Variants in SPINK2 observed in about 807,000 individuals in gnomAD.
SPINK2 encodes serine protease inhibitor Kazal-type 2.
SPINK2 carries 8 observed loss-of-function variants against 13.5 expected under a neutral mutation model. That is an observed-to-expected ratio of 0.59 (90% CI 0.35 to 1.07). The LOEUF is 1.07. Among genes scored for constraint, SPINK2 ranks in the 50% least tolerant of loss-of-function variants. SPINK2 has a pLI of 0.02. For missense variants in SPINK2, 148 were observed against 180.3 expected, an observed-to-expected ratio of 0.82 and a Z score of 1.03; for synonymous variants, 76 against 74.7, an observed-to-expected ratio of 1.02 and a Z score of -0.09.
chr4:56,810,428 C>G, intron 3 of SPINK2: 2 of 459,308 alleles, frequency 4.4e-6, no homozygotes, highest in Non-Finnish European at 7.6e-6. Context: ...GAGAGCTGGG[C>G]ATGGTGGCTC....
intron 2 of SPINK2, among the ~76,000 whole-genome samples, chr4:56,817,087 A>G (rs2109441418): frequency 6.6e-6 from 1 of 152,128 alleles, no homozygotes; most frequent in Admixed American, 6.5e-5. Context: ...TTGTAATCCC[A>G]GCTACTCAGG....
At chr4:56,821,757 A>AT, upstream of SPINK2, 1 of 1,217,832 alleles carries the variant, frequency 8.2e-7, no homozygotes, top group Non-Finnish European at 1.1e-6. Context: ...GGGCGGGGGA[A>AT]GGGGCGGGGC....
At chr4:56,815,168 G>T (rs1240355366) in intron 2 of SPINK2, among the ~76,000 whole-genome samples, 1 of 151,460 alleles carries the variant, frequency 6.6e-6, no homozygotes, top group Non-Finnish European at 1.5e-5. Flanking sequence ...CTTATAAAAG[G>T]CATCCATAGA....
intron 2 of SPINK2, among the ~76,000 whole-genome samples, chr4:56,817,223 T>A (rs1290034472): frequency 6.6e-6 from 1 of 151,894 alleles, no homozygotes; most frequent in African/African-American, 2.4e-5. Context: ...ACAAAAACAT[T>A]AGGAATAAAT....
chr4:56,810,847 C>T (rs1184849237), intron 3 of SPINK2, among the ~76,000 whole-genome samples: 1 of 151,456 alleles, frequency 6.6e-6, no homozygotes, highest in African/African-American at 2.4e-5. Context: ...TCAGAGAAGA[C>T]CGACTAAGGT....
At position 56,818,971 on chromosome 4, in the gene SPINK2, T is replaced by C. The variant is rs79972285; in HGVS notation, c.249+1565A>G. 7.3e-3 allele frequency among the ~76,000 whole-genome samples: 1,112 copies of C among 152,224 alleles called. 22 individuals carry two copies. The highest frequency in any genetic ancestry group is 0.024 in the African/African-American group (1,017 of 41,550). On this transcript the variant is annotated intron_variant, in intron 2 of 3. Coordinates refer to ENST00000506738, the MANE Select transcript of SPINK2 (RefSeq NM_001271718.2). ...GCAAACAGGCAATTACAACCTAATG[T>C]TGTGACAGGGTAGAGAAAAGCACTG... is the stretch of plus-strand genomic sequence containing the variant.
intron 3 of SPINK2, 39 bp from the exon 4 acceptor site, chr4:56,810,223 A>G: frequency 6.5e-7 from 1 of 1,542,836 alleles, no homozygotes; most frequent in Non-Finnish European, 8.9e-7. Context: ...TTTATTACCT[A>G]CCATACTGAA....
At chr4:56,813,527 T>C (rs1447961812) in intron 2 of SPINK2, among the ~76,000 whole-genome samples, 1 of 151,856 alleles carries the variant, frequency 6.6e-6, no homozygotes, top group Non-Finnish European at 1.5e-5. Context: ...CTGCCTCCTG[T>C]CAGGTCAGCG....
intron 2 of SPINK2, among the ~76,000 whole-genome samples, chr4:56,813,788 T>G (rs1468888868): frequency 6.6e-6 from 1 of 151,782 alleles, no homozygotes; most frequent in Non-Finnish European, 1.5e-5. Context: ...CAGCTAAATT[T>G]TTGTATTTTT....
intron 2 of SPINK2, among the ~76,000 whole-genome samples, chr4:56,815,231 G>A (rs988583192): frequency 2.0e-5 from 3 of 151,480 alleles, no homozygotes; most frequent in Non-Finnish European, 4.4e-5. Flanking sequence ...AATAACCTAA[G>A]CAAACATTCT....
At chr4:56,813,308 A>G (rs971985299) in intron 2 of SPINK2, among the ~76,000 whole-genome samples, 3 of 152,224 alleles carry the variant, frequency 2.0e-5, no homozygotes, top group African/African-American at 7.2e-5. Context: ...AGACAACAAC[A>G]GCGAAACTGT....
At chr4:56,816,847 C>T (rs1717491636) in intron 2 of SPINK2, 1 of 150,326 alleles carries the variant, frequency 6.7e-6, no homozygotes, top group African/African-American at 2.4e-5. Context: ...CACTTCACTC[C>T]AGCCTGGATA....
chr4:56,814,070 C>T (rs981051862), intron 2 of SPINK2, among the ~76,000 whole-genome samples: 1 of 151,784 alleles, frequency 6.6e-6, no homozygotes, highest in Non-Finnish European at 1.5e-5. Flanking sequence ...ATTAAAGGCA[C>T]CCACCACCAC....
chr4:56,816,218 T>C lies in SPINK2; in HGVS notation c.249+4318A>G, dbSNP rs555353984. On this transcript the variant is annotated intron_variant, in intron 2 of 3. Transcript: ENST00000506738. The stretch of plus-strand genomic sequence containing the variant: ...ACAATGAAAAATCTGAAAATAAAAC[T>C]AAGAAAACAATTCCACTTACAATAG... Among the ~76,000 whole-genome samples, 7 of 152,170 alleles carry C rather than the reference T, an allele frequency of 4.6e-5. No individual in the cohort carries two copies. The East Asian group carries it at 1.4e-3, about 30-fold the overall frequency.
rs1054464928 is a variant in SPINK2 at position 56,818,903 on chromosome 4, C to T, written c.249+1633G>A. On this transcript the variant is annotated intron_variant, in intron 2 of 3. Coordinates refer to ENST00000506738, the MANE Select transcript of SPINK2 (RefSeq NM_001271718.2). The stretch of plus-strand genomic sequence containing the variant: ...ACTGAGCAACAAATAGCAAATAAGA[C>T]ATTATACCTGACAACATGCATACAG... Among the ~76,000 whole-genome samples the T allele has an allele frequency of 1.2e-4, 18 of 152,266 alleles. 1 individual carries two copies. Among genetic ancestry groups the T allele is most frequent in the East Asian group, 3.9e-4 (2 of 5,182 alleles).
At chr4:56,821,858 G>T, upstream of SPINK2, 1 of 545,630 alleles carries the variant, frequency 1.8e-6, no homozygotes, top group Non-Finnish European at 3.0e-6. Context: ...AGGGTCGGGG[G>T]AGAACCGGAA....
At chr4:56,812,212 C>T (rs907092681) in intron 2 of SPINK2, among the ~76,000 whole-genome samples, 2 of 149,988 alleles carry the variant, frequency 1.3e-5, no homozygotes, top group Non-Finnish European at 3.0e-5. Context: ...TTTTCTAATG[C>T]AAAAATCAGA....
Position 56,811,614 on chromosome 4 carries a change from C to CAAAAAAA in SPINK2, c.359+64_359+70dup, listed in dbSNP as rs961354239. 5.8e-5 allele frequency: 48 copies of CAAAAAAA among 833,750 alleles called. No individual in the cohort carries two copies. The African/African-American group carries it at 6.6e-4, about 11-fold the overall frequency. 51.6% of individuals were successfully genotyped at this position (833,750 alleles called of 1,614,324 possible). ...CCTGGGTGACAGAGTGAGACTCTGTCAAAAAAAAAAAGAAGAAAAAAAAAG... is the reference window on the plus strand; with the variant it reads ...CCTGGGTGACAGAGTGAGACTCTGTCAAAAAAAAAAAAAAAAAAGAAGAAAAAAAAAG... On this transcript the variant is annotated intron_variant, in intron 3 of 3. Transcript: ENST00000506738.
Position 56,820,902 on chromosome 4 carries a change from A to C in SPINK2, c.206-323T>G, listed in dbSNP as rs191393053. ...GAAAGGATATTCAGTTTTTTATGGC[A>C]CCTCTCCCCAAAAGCACATAGAAAT... On this transcript the variant is annotated intron_variant, in intron 1 of 3. Transcript: ENST00000506738. Among the ~76,000 whole-genome samples the C allele has an allele frequency of 7.2e-5, 11 of 152,220 alleles. No individual in the cohort carries two copies. The East Asian group carries it at 2.1e-3, about 29-fold the overall frequency.
Sources: allele counts gnomAD v4.1 joint callset (sites outside exome capture counted in the v4.1 genomes callset), GRCh38; gene constraint gnomAD v4.1.1; transcripts MANE v1.5; gene names NCBI Gene and HGNC (gene_info 2026-07-23, HGNC 2026-07-21).